The following BCAR3 variants were observed in gnomAD, a reference collection of about 807,000 sequenced individuals.
BCAR3 encodes the protein BCAR3 adaptor protein, NSP family member, also known as breast cancer anti-estrogen resistance protein 3.
A neutral mutation model predicts 80.1 loss-of-function variants in BCAR3; 37 were observed. The observed-to-expected ratio is 0.46, with a 90% CI of 0.36 to 0.61. The LOEUF (loss-of-function observed/expected upper bound fraction) is 0.61, where lower values mean the gene tolerates loss of function less well. BCAR3 is among the 20% of genes least tolerant of loss of function. The pLI is 0.00. For missense variants in BCAR3, 978 were observed against 1,068.2 expected (o/e 0.92, Z 1.18); for synonymous variants, 389 against 418.9 (o/e 0.93, Z 0.87).
At chr1:93,641,157 A>G (rs778838044) in intron 3 of BCAR3, among the ~76,000 whole-genome samples, 1 of 152,226 alleles carries the variant, frequency 6.6e-6, no homozygotes, top group Non-Finnish European at 1.5e-5. Flanking sequence ...CAGGTATAAG[A>G]GATGGGAAAA....
chr1:93,749,422 A>G (rs1277122978), intron 2 of BCAR3, among the ~76,000 whole-genome samples: 1 of 151,936 alleles, frequency 6.6e-6, no homozygotes, highest in Non-Finnish European at 1.5e-5. Flanking sequence ...CCCCGTCTCT[A>G]CTAAAAGTAC....
chr1:93,700,777 T>C (rs559526710), intron 3 of BCAR3, among the ~76,000 whole-genome samples: 10 of 152,374 alleles, frequency 6.6e-5, no homozygotes, highest in African/African-American at 4.8e-5. Flanking sequence ...TCGGGAGCTG[T>C]CTTTCAGCGG....
At chr1:93,573,618 A>T (rs868588523) in intron 8 of BCAR3, among the ~76,000 whole-genome samples, 15,028 of 135,292 alleles carry the variant, frequency 0.11, 1,411 homozygotes, top group Non-Finnish European at 0.15. Context: ...TTTTATTATT[A>T]TTATTATTAT....
chr1:93,837,633 C>G (rs1051970536), intron 2 of BCAR3, among the ~76,000 whole-genome samples: 1 of 152,212 alleles, frequency 6.6e-6, no homozygotes, highest in Non-Finnish European at 1.5e-5. Flanking sequence ...GGGTCCCACC[C>G]CTTCAAGATT....
chr1:93,653,790 A>G (rs888015378), intron 2 of BCAR3, among the ~76,000 whole-genome samples: 8 of 152,220 alleles, frequency 5.3e-5, no homozygotes, highest in African/African-American at 1.9e-4. Context: ...GAAGCCCCAC[A>G]TGGGGTAGGT....
chr1:93,642,247 C>A (rs2101909592), intron 3 of BCAR3, 57 bp downstream of exon 3: 1 of 1,567,270 alleles, frequency 6.4e-7, no homozygotes, highest in South Asian at 1.1e-5. Flanking sequence ...CTCTGTGTTC[C>A]AAATGGGAAA....
chr1:93,622,569 T>C (rs999285633), intron 3 of BCAR3, among the ~76,000 whole-genome samples: 1 of 152,138 alleles, frequency 6.6e-6, no homozygotes, highest in Non-Finnish European at 1.5e-5. Context: ...CATCAGAATC[T>C]GAGAAGAACC....
chr1:93,772,348 G>A lies in BCAR3; in HGVS notation c.-62-66206C>T, dbSNP rs6661879. Reference sequence around the variant, plus strand: ...GCCAGACCAGGGCACAGTAAAGCAGGCCTCTAACCTCCTAGCTTCTATCAA... The same window carrying A: ...GCCAGACCAGGGCACAGTAAAGCAGACCTCTAACCTCCTAGCTTCTATCAA... On this transcript the variant is annotated intron_variant, in intron 2 of 13. Coordinates refer to the BCAR3 transcript ENST00000370244. 7.7e-3 allele frequency among the ~76,000 whole-genome samples: 1,180 copies of A among 152,262 alleles called. 16 individuals carry two copies. Among genetic ancestry groups the A allele is most frequent in the African/African-American group, 0.027 (1,135 of 41,540 alleles).
Position 93,588,903 on chromosome 1 carries a change from A to G in BCAR3, c.929+74T>C, listed in dbSNP as rs1338338814. On this transcript the variant is annotated intron_variant, in intron 5 of 11. Transcript: ENST00000260502. ...TCTTTTATTTCTTTGTTCCATGATG[A>G]ATTCTTCACCTGCCTAACTAACCTT... is the stretch of plus-strand genomic sequence containing the variant. 6.4e-6 allele frequency: 9 copies of G among 1,409,230 alleles called. No individual in the cohort carries two copies. In the East Asian group the frequency reaches 2.1e-4, roughly 33 times the overall value. The allele number at this position is 1,409,230 out of a possible 1,614,324, so 87.3% of individuals were successfully genotyped here.
chr1:93,790,301 G>C (rs1348489197), intron 2 of BCAR3, among the ~76,000 whole-genome samples: 1 of 152,004 alleles, frequency 6.6e-6, no homozygotes, highest in African/African-American at 2.4e-5. Context: ...GTGCTTAATA[G>C]AATAATCATC....
At chr1:93,666,170 C>T (rs1571023648) in intron 2 of BCAR3, among the ~76,000 whole-genome samples, 1 of 152,110 alleles carries the variant, frequency 6.6e-6, no homozygotes, top group East Asian at 1.9e-4. Context: ...GGTAGATTTC[C>T]TTTTGCCCTA....
chr1:93,787,942 T>C (rs1295451447), intron 2 of BCAR3, among the ~76,000 whole-genome samples: 2 of 152,226 alleles, frequency 1.3e-5, no homozygotes, highest in African/African-American at 4.8e-5. Context: ...TGTGTTGCCA[T>C]CTATCTCATT....
At chr1:93,804,761 G>C (rs1653606130) in intron 2 of BCAR3, among the ~76,000 whole-genome samples, 1 of 152,214 alleles carries the variant, frequency 6.6e-6, no homozygotes, top group African/African-American at 2.4e-5. Flanking sequence ...CAGTGGATAA[G>C]GAGGAACCAC....
At chr1:93,588,431 C>T (rs1674034024) in intron 5 of BCAR3, among the ~76,000 whole-genome samples, 1 of 152,158 alleles carries the variant, frequency 6.6e-6, no homozygotes. Flanking sequence ...CGGTACATCA[C>T]TGTCCATTTC....
intron 2 of BCAR3, among the ~76,000 whole-genome samples, chr1:93,842,148 C>CCT (rs60204868): frequency 1.5e-3 from 218 of 143,446 alleles, no homozygotes; most frequent in African/African-American, 5.5e-3. Flanking sequence ...ACCTGTCATC[C>CCT]TTTTTTTTTT....
At chr1:93,726,240 T>C (rs1650577785) in intron 2 of BCAR3, among the ~76,000 whole-genome samples, 1 of 152,084 alleles carries the variant, frequency 6.6e-6, no homozygotes. Flanking sequence ...AATTTAAATA[T>C]ATTTTTTTTT....
chr1:93,772,983 C>A (rs1049215065), intron 2 of BCAR3, among the ~76,000 whole-genome samples: 18 of 152,098 alleles, frequency 1.2e-4, no homozygotes, highest in African/African-American at 4.3e-4. Flanking sequence ...GTGGTAGGGA[C>A]AATACTGAAC....
intron 2 of BCAR3, among the ~76,000 whole-genome samples, chr1:93,835,555 C>G (rs572949913): frequency 1.3e-5 from 2 of 152,164 alleles, no homozygotes; most frequent in African/African-American, 2.4e-5. Flanking sequence ...TCTATTCTGT[C>G]GTCATTTCAT....
chr1:93,568,837 C>G (rs1673084148), intron 9 of BCAR3, among the ~76,000 whole-genome samples: 1 of 152,132 alleles, frequency 6.6e-6, no homozygotes, highest in African/African-American at 2.4e-5. Flanking sequence ...GACTTTTCTT[C>G]TTTGAGATGG....
Sources: allele counts gnomAD v4.1 joint callset (sites outside exome capture counted in the v4.1 genomes callset), GRCh38; gene constraint gnomAD v4.1.1; transcripts MANE v1.5; gene names NCBI Gene and HGNC (gene_info 2026-07-23, HGNC 2026-07-21).